XYLT1: variants seen among roughly 807,000 people sequenced by gnomAD.
XYLT1 encodes beta-D-xylosyltransferase 1.
Under a neutral mutation model 91.3 loss-of-function variants are expected in XYLT1, and 36 were observed. That is an observed-to-expected ratio of 0.39 (90% CI 0.30 to 0.52). XYLT1 has a LOEUF of 0.52. Ranked by LOEUF, XYLT1 falls within the 20% of genes least tolerant of loss-of-function variation. The probability of loss-of-function intolerance (pLI) is 0.68; values close to 1 mark genes in which losing one functional copy is unlikely to be tolerated. For synonymous variants in XYLT1, 588 were observed against 532.0 expected (o/e 1.11, Z -1.45); for missense variants, 1,242 against 1,284.5 (o/e 0.97, Z 0.51).
intron 1 of XYLT1, among the ~76,000 whole-genome samples, chr16:17,419,804 G>A (rs548074524): frequency 6.6e-6 from 1 of 152,156 alleles, no homozygotes; most frequent in African/African-American, 2.4e-5. Context: ...TTGAAAGAGA[G>A]GGAGCCTGCT....
chr16:17,444,956 T>C (rs2036574853), intron 1 of XYLT1, among the ~76,000 whole-genome samples: 1 of 152,066 alleles, frequency 6.6e-6, no homozygotes, highest in African/African-American at 2.4e-5. Context: ...CACTAAATAT[T>C]TGGTAAAATA....
chr16:17,122,118 C>G (rs2030082015), intron 10 of XYLT1, among the ~76,000 whole-genome samples: 1 of 152,136 alleles, frequency 6.6e-6, no homozygotes, highest in Non-Finnish European at 1.5e-5. Flanking sequence ...TGGTAGATAG[C>G]CCACAGTGGA....
At chr16:17,189,243 C>T (rs1242206794) in intron 5 of XYLT1, among the ~76,000 whole-genome samples, 1 of 152,176 alleles carries the variant, frequency 6.6e-6, no homozygotes, top group Non-Finnish European at 1.5e-5. Context: ...TCCACATTTC[C>T]ATCTTCAACC....
intron 3 of XYLT1, among the ~76,000 whole-genome samples, chr16:17,201,802 G>T (rs1199998895): frequency 6.6e-6 from 1 of 152,042 alleles, no homozygotes; most frequent in African/African-American, 2.4e-5. Flanking sequence ...TTACACAGGA[G>T]ACTAGAAGAT....
chr16:17,455,623 TA>T (rs1555458375), intron 1 of XYLT1, among the ~76,000 whole-genome samples: 1 of 141,402 alleles, frequency 7.1e-6, no homozygotes, highest in African/African-American at 2.6e-5. Context: ...AATAAATAAA[TA>T]AAAGGTAGAT....
chr16:17,240,166 G>T (rs1003850081), intron 3 of XYLT1, among the ~76,000 whole-genome samples: 6 of 152,192 alleles, frequency 3.9e-5, no homozygotes, highest in Admixed American at 3.9e-4. Flanking sequence ...ATGAATTGCT[G>T]GGAGAGGCAT....
At chr16:17,192,023 A>G (rs1002945761) in intron 5 of XYLT1, among the ~76,000 whole-genome samples, 1 of 150,656 alleles carries the variant, frequency 6.6e-6, no homozygotes, top group African/African-American at 2.5e-5. Context: ...CTCTCTTTAC[A>G]TCTGATTTGC....
intron 5 of XYLT1, among the ~76,000 whole-genome samples, chr16:17,170,625 TATAA>T (rs1372487578): frequency 2.6e-5 from 4 of 152,044 alleles, no homozygotes; most frequent in African/African-American, 9.7e-5. Flanking sequence ...AAGGCTGGAG[TATAA>T]ATAACCATTG....
At chr16:17,457,159 T>C (rs1389417425) in intron 1 of XYLT1, among the ~76,000 whole-genome samples, 2 of 152,220 alleles carry the variant, frequency 1.3e-5, no homozygotes, top group Admixed American at 6.5e-5. Context: ...TTGGAAATCA[T>C]TGATTTTGGC....
intron 3 of XYLT1, among the ~76,000 whole-genome samples, chr16:17,236,185 C>A (rs940857840): frequency 6.6e-6 from 1 of 152,166 alleles, no homozygotes; most frequent in African/African-American, 2.4e-5. Flanking sequence ...AGCTGGAGAT[C>A]TTGAAATTTA....
chr16:17,377,938 T>C (rs192193619), intron 1 of XYLT1, among the ~76,000 whole-genome samples: 14 of 152,326 alleles, frequency 9.2e-5, no homozygotes, highest in African/African-American at 2.9e-4. Context: ...GCTGTGCTCA[T>C]TGTACAAAGG....
intron 10 of XYLT1, 109 bp from the exon 11 acceptor site, chr16:17,118,088 G>A (rs2029914603): frequency 8.6e-7 from 1 of 1,165,500 alleles, no homozygotes; most frequent in African/African-American, 1.6e-5. Context: ...TTTTACAGAT[G>A]AAGAAACTGA....
At chr16:17,261,775 A>T (rs1245081162) in intron 2 of XYLT1, among the ~76,000 whole-genome samples, 1 of 152,188 alleles carries the variant, frequency 6.6e-6, no homozygotes, top group Non-Finnish European at 1.5e-5. Context: ...GTAACAAGGT[A>T]GGAAGAAGGA....
At position 17,390,113 on chromosome 16, in the gene XYLT1, A is replaced by G. The variant is rs1344770215; in HGVS notation, c.364-32063T>C. Among the ~76,000 whole-genome samples the G allele has an allele frequency of 2.0e-5, 3 of 152,266 alleles. No homozygotes were observed. In the East Asian group the frequency reaches 5.8e-4, roughly 29 times the overall value. On this transcript the variant is annotated intron_variant, in intron 1 of 11. Coordinates refer to ENST00000261381, the MANE Select transcript of XYLT1 (RefSeq NM_022166.4). ...GGGGAATAAAACGTCAGGGAAGTCA[A>G]CTCTAGGTTTAAGAGATCTGTTCTT...
At chr16:17,280,466 T>TA (rs1287782423) in intron 2 of XYLT1, among the ~76,000 whole-genome samples, 1 of 152,224 alleles carries the variant, frequency 6.6e-6, no homozygotes, top group African/African-American at 2.4e-5. Context: ...GTGTCAGATA[T>TA]AAAAAATTCC....
chr16:17,441,250 C>T (rs2036528475), intron 1 of XYLT1, among the ~76,000 whole-genome samples: 1 of 151,892 alleles, frequency 6.6e-6, no homozygotes, highest in African/African-American at 2.4e-5. Flanking sequence ...TTATCACTAT[C>T]ATAATTTAAT....
chr16:17,143,137 G>A (rs2031030352), intron 6 of XYLT1, among the ~76,000 whole-genome samples: 1 of 152,170 alleles, frequency 6.6e-6, no homozygotes, highest in African/African-American at 2.4e-5. Flanking sequence ...GGCATGTTGG[G>A]AGGGTGGACA....
chr16:17,192,949 G>C (rs533425103), intron 5 of XYLT1: 1 of 151,658 alleles, frequency 6.6e-6, no homozygotes, highest in Non-Finnish European at 1.5e-5. Context: ...AGTAGCTGGG[G>C]TTACAGGTAT....
intron 5 of XYLT1, among the ~76,000 whole-genome samples, chr16:17,172,049 C>T (rs1488829015): frequency 6.6e-6 from 1 of 152,138 alleles, no homozygotes; most frequent in Non-Finnish European, 1.5e-5. Flanking sequence ...TATGACATGC[C>T]TTGTGGAGTT....
Sources: gnomAD v4.1 joint callset for allele counts (sites outside exome capture counted in the v4.1 genomes callset) on GRCh38, gnomAD v4.1.1 for gene constraint, MANE v1.5 for transcripts, NCBI Gene and HGNC (gene_info 2026-07-23, HGNC 2026-07-21) for gene names.